The following TNIK variants were observed in gnomAD, a reference collection of about 807,000 sequenced individuals.
The protein encoded by TNIK is TRAF2 and NCK-interacting protein kinase.
Under a neutral mutation model 191.3 loss-of-function variants are expected in TNIK, and 49 were observed. The observed-to-expected ratio is 0.26, with a 90% CI of 0.20 to 0.32. The LOEUF (loss-of-function observed/expected upper bound fraction) is 0.32, where lower values mean the gene tolerates loss of function less well. TNIK is among the 10% of genes least tolerant of loss of function. TNIK has a pLI of 1.00. For synonymous variants in TNIK, 594 were observed against 600.9 expected (o/e 0.99, Z 0.17); for missense variants, 1,155 against 1,702.3 (o/e 0.68, Z 5.66).
At chr3:171,091,515 G>C (rs906283170) in intron 23 of TNIK, among the ~76,000 whole-genome samples, 1 of 152,096 alleles carries the variant, frequency 6.6e-6, no homozygotes, top group Non-Finnish European at 1.5e-5. Context: ...GGTCAAGGCG[G>C]GCAGATTGCC....
intron 20 of TNIK, 97 bp downstream of exon 20, chr3:171,107,968 A>C: frequency 8.1e-7 from 1 of 1,241,536 alleles, no homozygotes; most frequent in Non-Finnish European, 1.1e-6. Context: ...AATCTCAACA[A>C]TTTTTGTTTG....
intron 14 of TNIK, among the ~76,000 whole-genome samples, chr3:171,139,206 T>C (rs1037444457): frequency 6.6e-6 from 1 of 152,110 alleles, no homozygotes; most frequent in Non-Finnish European, 1.5e-5. Context: ...TATATTCAAG[T>C]TGTACAAATA....
rs1473333378 is a variant in TNIK at position 171,063,009 on chromosome 3, A to G, written c.*872T>C. ...CTCTTTCTGTCTGACCCCATCTGTC[A>G]TCCCATCTTTTTCCCTGATCTGTTG... On this transcript the variant is annotated 3_prime_UTR_variant, in exon 33 of 33. Coordinates refer to ENST00000436636, the MANE Select transcript of TNIK (RefSeq NM_015028.4). The G allele has an allele frequency of 6.6e-6, 1 of 152,188 alleles. No homozygotes were observed. The highest frequency in any genetic ancestry group is 1.5e-5 in the Non-Finnish European group (1 of 68,052). 9.4% of individuals were successfully genotyped at this position (152,188 alleles called of 1,614,324 possible). A position where few individuals can be genotyped will look rare whatever the true frequency, so the allele number is the denominator to read the frequency against.
intron 4 of TNIK, among the ~76,000 whole-genome samples, chr3:171,199,274 A>C (rs967560255): frequency 4.5e-4 from 68 of 152,048 alleles, no homozygotes; most frequent in African/African-American, 1.6e-3. Context: ...CAATGCTGAT[A>C]ATTACCGCCA....
At chr3:171,237,308 T>A (rs1744392226) in intron 2 of TNIK, among the ~76,000 whole-genome samples, 1 of 152,066 alleles carries the variant, frequency 6.6e-6, no homozygotes, top group African/African-American at 2.4e-5. Flanking sequence ...GGAATATAAT[T>A]AGGGCCCACC....
At chr3:171,212,824 G>A (rs556634077) in intron 3 of TNIK, among the ~76,000 whole-genome samples, 36 of 152,172 alleles carry the variant, frequency 2.4e-4, no homozygotes, top group Non-Finnish European at 3.5e-4. Flanking sequence ...ATAGAGTGAG[G>A]AGAATAGTGA....
intron 1 of TNIK, among the ~76,000 whole-genome samples, chr3:171,426,429 T>C (rs1483783765): frequency 7.3e-6 from 1 of 136,610 alleles, no homozygotes; most frequent in African/African-American, 2.7e-5. Context: ...GGGGGAGGGA[T>C]AGCATTAGGA....
At chr3:171,384,392 G>T (rs1718453767) in intron 1 of TNIK, among the ~76,000 whole-genome samples, 1 of 152,222 alleles carries the variant, frequency 6.6e-6, no homozygotes, top group Admixed American at 6.5e-5. Context: ...CTGCACCCAT[G>T]ACCATCCAAC....
At chr3:171,095,980 T>C (rs912990565) in intron 22 of TNIK, among the ~76,000 whole-genome samples, 2 of 152,234 alleles carry the variant, frequency 1.3e-5, no homozygotes, top group Non-Finnish European at 2.9e-5. Flanking sequence ...TCTTCACTCA[T>C]TTGTTTATCT....
intron 15 of TNIK, among the ~76,000 whole-genome samples, chr3:171,135,689 G>A (rs532432475): frequency 6.6e-6 from 1 of 152,174 alleles, no homozygotes; most frequent in African/African-American, 2.4e-5. Context: ...CAGGGACCTT[G>A]GAAGATGTCA....
chr3:171,388,000 G>A (rs200678633), intron 1 of TNIK, among the ~76,000 whole-genome samples: 4 of 146,704 alleles, frequency 2.7e-5, no homozygotes, highest in Admixed American at 6.8e-5. Context: ...GGACGGGGGG[G>A]AGCAGATCTT....
At chr3:171,440,690 G>A (rs1245257385) in intron 1 of TNIK, among the ~76,000 whole-genome samples, 1 of 152,224 alleles carries the variant, frequency 6.6e-6, no homozygotes, top group Non-Finnish European at 1.5e-5. Flanking sequence ...GCTTGCCTTT[G>A]TGGAGCTTAT....
intron 2 of TNIK, among the ~76,000 whole-genome samples, chr3:171,349,380 T>C (rs941755611): frequency 1.7e-4 from 26 of 152,296 alleles, no homozygotes; most frequent in African/African-American, 6.0e-4. Context: ...ACAATAACTC[T>C]TGTATTGTAC....
intron 15 of TNIK, among the ~76,000 whole-genome samples, chr3:171,137,376 A>G (rs1445655553): frequency 6.6e-6 from 1 of 152,132 alleles, no homozygotes; most frequent in African/African-American, 2.4e-5. Context: ...CTTTTAAATG[A>G]CCAGCTATGA....
intron 1 of TNIK, among the ~76,000 whole-genome samples, chr3:171,413,322 T>C (rs892734309): frequency 2.0e-5 from 3 of 152,150 alleles, no homozygotes; most frequent in Non-Finnish European, 4.4e-5. Context: ...ATCCAGTCTC[T>C]TTGGCCTACC....
At chr3:171,147,517 A>G (rs904961394) in intron 12 of TNIK, among the ~76,000 whole-genome samples, 8 of 152,218 alleles carry the variant, frequency 5.3e-5, no homozygotes, top group African/African-American at 1.9e-4. Context: ...CCTTGTGACT[A>G]AAACTGGAGT....
chr3:171,128,749 G>A lies in TNIK; in HGVS notation c.1738C>T (p.Arg580Ter). The A allele has an allele frequency of 6.2e-7, 1 of 1,613,494 alleles. No homozygotes were observed. The highest frequency in any genetic ancestry group is 8.5e-7 in the Non-Finnish European group (1 of 1,179,756). ...ACTGGTCTGAGCATGGGGGGTGTTC[G>A]AGCAGGCTGAACTCCACTAATGCTG... ...SFSISGVQPA[R>*]TPPMLRPVDP... The change falls in exon 16 of 33, where the codon CGA becomes TGA. Residue 580 changes from arginine to a stop codon, truncating the protein, a stop_gained. Transcript: ENST00000436636. LOFTEE classifies it high-confidence loss of function.
chr3:171,352,026 T>G (rs1225666292), intron 2 of TNIK, among the ~76,000 whole-genome samples: 1 of 152,186 alleles, frequency 6.6e-6, no homozygotes, highest in Admixed American at 6.5e-5. Context: ...GGCATATAAA[T>G]CACCTGGGAG....
chr3:171,242,550 GT>G (rs1307684185), intron 2 of TNIK, among the ~76,000 whole-genome samples: 1 of 151,340 alleles, frequency 6.6e-6, no homozygotes, highest in Non-Finnish European at 1.5e-5. Context: ...GCAGTCTTGT[GT>G]TTGCAACATT....
Sources: allele counts gnomAD v4.1 joint callset (sites outside exome capture counted in the v4.1 genomes callset), GRCh38; gene constraint gnomAD v4.1.1; transcripts MANE v1.5; gene names NCBI Gene and HGNC (gene_info 2026-07-23, HGNC 2026-07-21).